The following LARGE1 variants were observed in gnomAD, a reference collection of about 807,000 sequenced individuals.
The protein encoded by LARGE1 is LARGE xylosyl- and glucuronyltransferase 1.
In LARGE1, 43 loss-of-function variants were observed where a neutral mutation model predicts 87.6. The observed-to-expected ratio is 0.49, with a 90% CI of 0.38 to 0.63. LARGE1 has a LOEUF of 0.63. Ranked by LOEUF, LARGE1 falls within the 30% of genes least tolerant of loss-of-function variation. LARGE1 has a pLI of 0.00. For missense variants in LARGE1, 802 were observed against 1,000.2 expected (o/e 0.80, Z 2.67); for synonymous variants, 434 against 394.6 (o/e 1.10, Z -1.18).
the LARGE1 span, among the ~76,000 whole-genome samples, chr22:33,125,516 G>A: frequency 2.0e-5 from 3 of 149,702 alleles, no homozygotes; most frequent in Non-Finnish European, 4.4e-5. Flanking sequence ...GCATGATCTC[G>A]GCTCACTGCA....
intron 1 of LARGE1, among the ~76,000 whole-genome samples, chr22:33,844,079 CAAAAAA>C (rs34588361): frequency 8.1e-6 from 1 of 122,838 alleles, no homozygotes; most frequent in Non-Finnish European, 1.7e-5. Flanking sequence ...AACTCCGTCT[CAAAAAA>C]AAAAAAAAAA....
intron 10 of LARGE1, among the ~76,000 whole-genome samples, chr22:33,320,248 G>C (rs148406078): frequency 1.3e-3 from 201 of 151,976 alleles, no homozygotes; most frequent in African/African-American, 4.7e-3. Flanking sequence ...CCCCAAATCT[G>C]CCTTTCCCTC....
intron 7 of LARGE1, among the ~76,000 whole-genome samples, chr22:33,402,004 T>C (rs1159994512): frequency 6.6e-6 from 1 of 152,206 alleles, no homozygotes; most frequent in Non-Finnish European, 1.5e-5. Flanking sequence ...CATTCAAATA[T>C]GCTGACTTCC....
intron 11 of LARGE1, among the ~76,000 whole-genome samples, chr22:33,211,052 T>G (rs1048588645): frequency 1.3e-5 from 2 of 152,254 alleles, no homozygotes; most frequent in African/African-American, 4.8e-5. Context: ...GCTCACTTTG[T>G]GTCTCTGTGT....
chr22:33,655,462 C>T (rs1034322374), intron 2 of LARGE1, among the ~76,000 whole-genome samples: 2 of 152,168 alleles, frequency 1.3e-5, no homozygotes, highest in African/African-American at 4.8e-5. Flanking sequence ...GGTTCTCAGG[C>T]TTTCGGACTC....
intron 6 of LARGE1, among the ~76,000 whole-genome samples, chr22:33,480,885 C>T (rs951762300): frequency 7.2e-5 from 11 of 152,144 alleles, no homozygotes; most frequent in Non-Finnish European, 1.3e-4. Flanking sequence ...AACATTTCCT[C>T]ATGTCGACAC....
chr22:33,331,059 TG>T (rs905144774), intron 10 of LARGE1, among the ~76,000 whole-genome samples: 4 of 152,192 alleles, frequency 2.6e-5, no homozygotes, highest in South Asian at 2.1e-4. Context: ...AGCCTATGTG[TG>T]GAACAGTGGA....
chr22:33,194,973 C>T (rs571793392), intron 11 of LARGE1, among the ~76,000 whole-genome samples: 1 of 152,124 alleles, frequency 6.6e-6, no homozygotes, highest in Non-Finnish European at 1.5e-5. Flanking sequence ...CCTGTCAACA[C>T]CCTAAAGTTG....
intron 6 of LARGE1, among the ~76,000 whole-genome samples, chr22:33,441,635 T>G (rs922221253): frequency 6.6e-6 from 1 of 152,066 alleles, no homozygotes; most frequent in Non-Finnish European, 1.5e-5. Flanking sequence ...TTAAATTTTT[T>G]TTTGTAGACA....
At chr22:33,848,786 T>G (rs1404414558) in intron 1 of LARGE1, among the ~76,000 whole-genome samples, 2 of 152,252 alleles carry the variant, frequency 1.3e-5, no homozygotes, top group African/African-American at 2.4e-5. Context: ...GAGAGGGACC[T>G]GGGGTCAGGT....
At chr22:33,622,415 C>T (rs779334755) in intron 4 of LARGE1, among the ~76,000 whole-genome samples, 29 of 152,332 alleles carry the variant, frequency 1.9e-4, no homozygotes, top group Non-Finnish European at 4.0e-4. Flanking sequence ...CTTCCCCAGC[C>T]ATGCTAAGCT....
chr22:33,406,599 C>T (rs918762040), intron 7 of LARGE1, among the ~76,000 whole-genome samples: 8 of 152,160 alleles, frequency 5.3e-5, no homozygotes, highest in South Asian at 2.1e-4. Context: ...GTCTTCGAGA[C>T]GACCCTCTGC....
rs537125361 is a variant in LARGE1, at chr22:33,447,197, G to C, written c.788-14932C>G. The stretch of plus-strand genomic sequence containing the variant: ...GGCATGAGCCACTGCACCTGGCCCA[G>C]AATTGTGTTTTGAAGAGAACATCCT... On this transcript the variant is annotated intron_variant, in intron 6 of 14. Transcript: ENST00000397394. 4.6e-5 allele frequency among the ~76,000 whole-genome samples: 7 copies of C among 152,344 alleles called. No homozygotes were observed. In the East Asian group the frequency reaches 1.2e-3, roughly 25 times the overall value.
rs573564821 is a variant in LARGE1, at chr22:33,828,066, C to T, written c.-82-66508G>A. 7.9e-5 allele frequency among the ~76,000 whole-genome samples: 12 copies of T among 152,108 alleles called. No individual in the cohort carries two copies. The East Asian group carries it at 2.1e-3, about 27-fold the overall frequency. On this transcript the variant is annotated intron_variant, in intron 1 of 14. Coordinates refer to ENST00000397394, the MANE Select transcript of LARGE1 (RefSeq NM_133642.5). ...GGGCAGATGAGAAGAAATGAGATGG[C>T]GGAAGGGGACAAAGGTGTATTCACC...
chr22:33,111,598 C>G, the LARGE1 span, among the ~76,000 whole-genome samples: 1 of 152,122 alleles, frequency 6.6e-6, no homozygotes, highest in Non-Finnish European at 1.5e-5. Context: ...CATTTATCTA[C>G]TGTTGTTTTT....
chr22:33,713,982 GTAACATAACA>G lies in LARGE1; in HGVS notation c.106+47379_106+47388del, dbSNP rs71187278. Among the ~76,000 whole-genome samples, 712 of 126,240 alleles carry G rather than the reference GTAACATAACA, an allele frequency of 5.6e-3. 8 individuals are homozygous for G. The highest frequency in any genetic ancestry group is 0.018 in the Admixed American group (225 of 12,356). 82.8% of individuals were successfully genotyped at this position (126,240 alleles called of 152,430 possible). On this transcript the variant is annotated intron_variant, in intron 2 of 14. Coordinates refer to ENST00000397394, the MANE Select transcript of LARGE1 (RefSeq NM_133642.5). ...GAAAAAGTAAATAACGTAACATAAC[GTAACATAACA>G]TAACATAACATAACATAACATAACA...
chr22:33,589,991 C>T (rs1488609537), intron 5 of LARGE1, among the ~76,000 whole-genome samples: 2 of 152,118 alleles, frequency 1.3e-5, no homozygotes, highest in Non-Finnish European at 2.9e-5. Context: ...ATGAACACTT[C>T]ACTCATTTTT....
chr22:33,319,798 G>A (rs1936540341), intron 10 of LARGE1, among the ~76,000 whole-genome samples: 1 of 152,000 alleles, frequency 6.6e-6, no homozygotes, highest in Non-Finnish European at 1.5e-5. Context: ...TTATTATGGG[G>A]ACCTGTACCA....
the LARGE1 span, among the ~76,000 whole-genome samples, chr22:33,127,284 C>A: frequency 1.5e-3 from 229 of 152,250 alleles, no homozygotes; most frequent in African/African-American, 5.4e-3. Context: ...ATGAGCAACC[C>A]AGGATTAAGA....
Sources: gnomAD v4.1 joint callset for allele counts (sites outside exome capture counted in the v4.1 genomes callset) on GRCh38, gnomAD v4.1.1 for gene constraint, MANE v1.5 for transcripts, NCBI Gene and HGNC (gene_info 2026-07-23, HGNC 2026-07-21) for gene names.